Variants in KATNAL1 observed in about 807,000 individuals in gnomAD.
KATNAL1 encodes the protein katanin p60 ATPase-containing subunit A-like 1.
A neutral mutation model predicts 55.2 loss-of-function variants in KATNAL1; 32 were observed. The ratio of observed to expected loss-of-function variants is 0.58; its 90% CI spans 0.44 to 0.78. The LOEUF is 0.78. Ranked by LOEUF, KATNAL1 falls within the 30% of genes least tolerant of loss-of-function variation. The probability of loss-of-function intolerance (pLI) is 0.00; values close to 1 mark genes in which losing one functional copy is unlikely to be tolerated. For synonymous variants in KATNAL1, 193 were observed against 193.6 expected, an observed-to-expected ratio of 1.00 and a Z score of 0.02; for missense variants, 466 against 600.9, an observed-to-expected ratio of 0.78 and a Z score of 2.35.
rs552820655 is a variant in KATNAL1, at chr13:30,239,335, AG to A, written c.726+1124del. On this transcript the variant is annotated intron_variant, in intron 6 of 10. Coordinates refer to ENST00000380615, the MANE Select transcript of KATNAL1 (RefSeq NM_032116.5). ...TGAGGCACAAGAATTGCTTGAACCC[AG>A]GAGGCAGAGGTTGCAGTGAGCCAAG... Among the ~76,000 whole-genome samples, 60 of 152,254 alleles carry A rather than the reference AG, an allele frequency of 3.9e-4. No homozygotes were observed. In the East Asian group the frequency reaches 7.8e-3, roughly 20 times the overall value.
chr13:30,217,742 G>A (rs945634665), intron 9 of KATNAL1, among the ~76,000 whole-genome samples: 1 of 152,100 alleles, frequency 6.6e-6, no homozygotes, highest in African/African-American at 2.4e-5. Flanking sequence ...AGTTTCCTAA[G>A]TAAAATAAGA....
At chr13:30,221,998 G>GT (rs1458312101) in intron 9 of KATNAL1, among the ~76,000 whole-genome samples, 1 of 152,096 alleles carries the variant, frequency 6.6e-6, no homozygotes, top group Non-Finnish European at 1.5e-5. Context: ...TTGCAGTGAG[G>GT]TAAGATTGCG....
At chr13:30,254,905 C>A (rs750721788) in intron 4 of KATNAL1, among the ~76,000 whole-genome samples, 2 of 151,996 alleles carry the variant, frequency 1.3e-5, no homozygotes, top group Non-Finnish European at 2.9e-5. Context: ...CAATTTCCAC[C>A]GAATACTATG....
In KATNAL1 at chr13:30,268,450, A is replaced by G. The variant is rs554405656; in HGVS notation, c.323+11613T>C. Reference sequence around the variant, plus strand: ...TGCACAAGTCTTAAGTAGTATAAATAAAAATAAATCTACATTTAAATAATT... The same window carrying G: ...TGCACAAGTCTTAAGTAGTATAAATGAAAATAAATCTACATTTAAATAATT... On this transcript the variant is annotated intron_variant, in intron 3 of 10. Coordinates refer to ENST00000380615, the MANE Select transcript of KATNAL1 (RefSeq NM_032116.5). Among the ~76,000 whole-genome samples the G allele has an allele frequency of 7.2e-5, 11 of 152,350 alleles. No individual in the cohort carries two copies. In the South Asian group the frequency reaches 2.3e-3, roughly 32 times the overall value.
chr13:30,262,310 T>A (rs985518736), intron 3 of KATNAL1, among the ~76,000 whole-genome samples: 4 of 151,652 alleles, frequency 2.6e-5, no homozygotes, highest in Non-Finnish European at 5.9e-5. Context: ...TTAAAAGAAC[T>A]AGAAAAGCAA....
At chr13:30,239,978 C>A (rs1216233910) in intron 6 of KATNAL1, among the ~76,000 whole-genome samples, 1 of 152,116 alleles carries the variant, frequency 6.6e-6, no homozygotes, top group East Asian at 1.9e-4. Context: ...GCCACGGTAC[C>A]CAGCCAAGAA....
At position 30,305,572 on chromosome 13, in the gene KATNAL1, C is replaced by G. The variant is rs189820073; in HGVS notation, c.-15+1759G>C. Among the ~76,000 whole-genome samples, 30 of 152,360 alleles carry G rather than the reference C, an allele frequency of 2.0e-4. 1 individual carries two copies. Among genetic ancestry groups the G allele is most frequent in the African/African-American group, 6.5e-4 (27 of 41,586 alleles). ...ACACGTTACCAGCTATGATTTTGAG[C>G]AAGGCCTCTAAAGCCTGTTTCCTCA... On this transcript the variant is annotated intron_variant, in intron 1 of 10. Transcript: ENST00000380615.
chr13:30,263,976 T>C (rs1300229513), intron 3 of KATNAL1, among the ~76,000 whole-genome samples: 8 of 149,500 alleles, frequency 5.4e-5, no homozygotes, highest in Non-Finnish European at 1.0e-4. Context: ...CTTCAAACTA[T>C]ACTACAAGGC....
chr13:30,244,055 T>C (rs1359895533), intron 4 of KATNAL1, among the ~76,000 whole-genome samples: 1 of 152,146 alleles, frequency 6.6e-6, no homozygotes, highest in East Asian at 1.9e-4. Flanking sequence ...ACATTAGGTA[T>C]TTCTCCTCAT....
intron 6 of KATNAL1, 26 bp downstream of exon 6, chr13:30,240,434 T>C: frequency 6.7e-7 from 1 of 1,495,156 alleles, no homozygotes; most frequent in Non-Finnish European, 9.3e-7. Flanking sequence ...CATTCTTATA[T>C]CAAAACCAAT....
At chr13:30,212,413 C>T (rs1873777287) in intron 9 of KATNAL1, among the ~76,000 whole-genome samples, 1 of 152,226 alleles carries the variant, frequency 6.6e-6, no homozygotes, top group African/African-American at 2.4e-5. Flanking sequence ...GACCCTGGTG[C>T]TTGCTTGCTC....
intron 6 of KATNAL1, among the ~76,000 whole-genome samples, chr13:30,238,080 C>T (rs1876870692): frequency 6.6e-6 from 1 of 152,126 alleles, no homozygotes; most frequent in African/African-American, 2.4e-5. Flanking sequence ...TCATTGCAAC[C>T]AGGTTGTTTT....
intron 1 of KATNAL1, chr13:30,296,471 ATCT>A: frequency 1.3e-6 from 1 of 749,530 alleles, no homozygotes; most frequent in Non-Finnish European, 2.5e-6. Flanking sequence ...TAATGTGGCA[ATCT>A]GAGGATTACG....
intron 2 of KATNAL1, among the ~76,000 whole-genome samples, chr13:30,281,535 C>T (rs990274269): frequency 3.3e-5 from 5 of 152,126 alleles, no homozygotes; most frequent in African/African-American, 1.2e-4. Flanking sequence ...AAATTTGAGC[C>T]TGAGTTGGAG....
intron 1 of KATNAL1, chr13:30,296,856 C>T (rs1882536317): frequency 8.2e-6 from 3 of 364,672 alleles, no homozygotes; most frequent in Non-Finnish European, 1.6e-5. Flanking sequence ...CCTCCAAACA[C>T]CACAGTCTGG....
chr13:30,255,245 T>C (rs781409493), intron 4 of KATNAL1, among the ~76,000 whole-genome samples: 4 of 152,228 alleles, frequency 2.6e-5, no homozygotes, highest in Non-Finnish European at 5.9e-5. Flanking sequence ...TGTATGTGTA[T>C]ATAGATATTT....
chr13:30,228,885 T>C (rs897846809), intron 8 of KATNAL1, among the ~76,000 whole-genome samples: 2 of 152,194 alleles, frequency 1.3e-5, no homozygotes, highest in African/African-American at 4.8e-5. Context: ...CCTGAGTAGC[T>C]GGGACTACAG....
At chr13:30,249,283 A>C (rs1157990424) in intron 4 of KATNAL1, among the ~76,000 whole-genome samples, 2 of 152,146 alleles carry the variant, frequency 1.3e-5, no homozygotes, top group Admixed American at 1.3e-4. Context: ...ATGTGGAGCA[A>C]CTGAAACTTC....
At chr13:30,283,162 G>A (rs1462099202) in intron 2 of KATNAL1, among the ~76,000 whole-genome samples, 2 of 149,366 alleles carry the variant, frequency 1.3e-5, no homozygotes, top group Non-Finnish European at 1.5e-5. Context: ...CAGCTACTCC[G>A]GAGGCTGAGG....
Sources: gnomAD v4.1 joint callset for allele counts (sites outside exome capture counted in the v4.1 genomes callset) on GRCh38, gnomAD v4.1.1 for gene constraint, MANE v1.5 for transcripts, NCBI Gene and HGNC (gene_info 2026-07-23, HGNC 2026-07-21) for gene names.